COP1: variants seen among roughly 807,000 people sequenced by gnomAD.
COP1 encodes the protein E3 ubiquitin-protein ligase COP1.
Under a neutral mutation model 101.3 loss-of-function variants are expected in COP1, and 24 were observed. That is an observed-to-expected ratio of 0.24 (90% CI 0.17 to 0.33). The LOEUF (loss-of-function observed/expected upper bound fraction) is 0.33, where lower values mean the gene tolerates loss of function less well. COP1 is among the 10% of genes least tolerant of loss of function. The pLI is 1.00. For missense variants in COP1, 663 were observed against 906.2 expected (o/e 0.73, Z 3.45); for synonymous variants, 347 against 341.9 (o/e 1.01, Z -0.17).
intron 18 of COP1, among the ~76,000 whole-genome samples, chr1:175,971,614 A>C (rs551101271): frequency 6.6e-6 from 1 of 152,186 alleles, no homozygotes; most frequent in Non-Finnish European, 1.5e-5. Context: ...ACTCTCCAAT[A>C]CCTTGCCCTA....
intron 18 of COP1, among the ~76,000 whole-genome samples, chr1:175,950,497 T>G (rs967744749): frequency 1.3e-5 from 2 of 152,200 alleles, no homozygotes; most frequent in African/African-American, 4.8e-5. Context: ...TTAATGTAAG[T>G]TTTTAATGGT....
chr1:175,985,928 AT>A (rs935956104), intron 18 of COP1, among the ~76,000 whole-genome samples: 3 of 151,958 alleles, frequency 2.0e-5, no homozygotes, highest in African/African-American at 7.3e-5. Context: ...TCAAGTCAGA[AT>A]TTTTTTTGTC....
At chr1:176,077,536 G>C (rs1262550986) in intron 11 of COP1, among the ~76,000 whole-genome samples, 1 of 152,032 alleles carries the variant, frequency 6.6e-6, no homozygotes, top group African/African-American at 2.4e-5. Flanking sequence ...CAAACCCACA[G>C]CCAACTTAAT....
intron 8 of COP1, among the ~76,000 whole-genome samples, chr1:176,131,165 CAA>C (rs1688821803): frequency 1.3e-5 from 2 of 151,808 alleles, no homozygotes; most frequent in South Asian, 2.1e-4. Flanking sequence ...GAGGGTTATG[CAA>C]AGAGATGGAT....
chr1:176,026,177 C>T (rs535636415), intron 15 of COP1, among the ~76,000 whole-genome samples: 1 of 151,764 alleles, frequency 6.6e-6, no homozygotes, highest in South Asian at 2.1e-4. Context: ...TCCTATTTTC[C>T]AAGAAGGAGA....
intron 9 of COP1, among the ~76,000 whole-genome samples, chr1:176,090,083 A>G (rs1246336573): frequency 2.0e-5 from 3 of 152,124 alleles, no homozygotes; most frequent in Non-Finnish European, 4.4e-5. Flanking sequence ...ACAACCCCTT[A>G]TCTTAACCCA....
intron 8 of COP1, among the ~76,000 whole-genome samples, chr1:176,127,425 G>A (rs973548059): frequency 3.9e-5 from 6 of 151,948 alleles, no homozygotes; most frequent in Middle Eastern, 3.4e-3. Flanking sequence ...TTTAGATTCC[G>A]CATGTAAGCA....
At chr1:176,163,123 C>T (rs759493876) in intron 4 of COP1, 135 bp from the exon 5 acceptor site, 3 of 805,798 alleles carry the variant, frequency 3.7e-6, no homozygotes, top group Non-Finnish European at 5.4e-6. Flanking sequence ...TTCCAAACTA[C>T]CCCTTCCTAG....
At chr1:176,147,758 G>A (rs570350246) in intron 6 of COP1, among the ~76,000 whole-genome samples, 1 of 152,248 alleles carries the variant, frequency 6.6e-6, no homozygotes, top group South Asian at 2.1e-4. Context: ...GAGGCCATGG[G>A]CCACCACATC....
intron 18 of COP1, among the ~76,000 whole-genome samples, chr1:175,949,309 TG>T (rs1649589330): frequency 7.6e-6 from 1 of 130,962 alleles, no homozygotes. Flanking sequence ...GGGGCTGGGG[TG>T]AGGGGAAAGG....
chr1:176,198,598 T>A (rs1447659564), intron 1 of COP1, among the ~76,000 whole-genome samples: 1 of 152,054 alleles, frequency 6.6e-6, no homozygotes, highest in Admixed American at 6.5e-5. Context: ...AATTTGGACT[T>A]AAAACTGAAA....
At chr1:175,973,110 G>C (rs1653679267) in intron 18 of COP1, among the ~76,000 whole-genome samples, 1 of 152,182 alleles carries the variant, frequency 6.6e-6, no homozygotes, top group African/African-American at 2.4e-5. Flanking sequence ...GAGATTACAG[G>C]CGTGAACCAC....
At chr1:176,160,435 T>C (rs1159647976) in intron 5 of COP1, among the ~76,000 whole-genome samples, 3 of 151,850 alleles carry the variant, frequency 2.0e-5, no homozygotes, top group Non-Finnish European at 4.4e-5. Context: ...CTAATTAAAC[T>C]AAAGAGCTTC....
At chr1:176,047,905 C>T (rs1317333540) in intron 11 of COP1, among the ~76,000 whole-genome samples, 5 of 151,824 alleles carry the variant, frequency 3.3e-5, no homozygotes, top group Non-Finnish European at 5.9e-5. Flanking sequence ...GAGACCCGAT[C>T]GCTACAAAAA....
At chr1:175,993,702 T>TA (rs1400099611) in intron 15 of COP1, among the ~76,000 whole-genome samples, 2 of 151,928 alleles carry the variant, frequency 1.3e-5, no homozygotes, top group African/African-American at 4.8e-5. Flanking sequence ...GAAAAAAGAA[T>TA]AAAAAGAAAT....
chr1:176,029,234 T>C (rs1011974499), intron 14 of COP1, among the ~76,000 whole-genome samples: 2 of 151,622 alleles, frequency 1.3e-5, no homozygotes, highest in Non-Finnish European at 2.9e-5. Flanking sequence ...ATGTCTAAAG[T>C]AATATATTCT....
chr1:176,167,489 G>A (rs1012398101), intron 3 of COP1, among the ~76,000 whole-genome samples: 11 of 152,048 alleles, frequency 7.2e-5, no homozygotes, highest in African/African-American at 2.4e-4. Context: ...GACATGCCAC[G>A]TTTAGCTAAC....
intron 1 of COP1, among the ~76,000 whole-genome samples, chr1:176,204,496 T>C (rs187776845): frequency 3.4e-4 from 52 of 152,292 alleles, no homozygotes; most frequent in African/African-American, 1.2e-3. Context: ...GCCTAATCCA[T>C]ATCATCCTAC....
chr1:176,128,471 T>C (rs374040184), intron 8 of COP1, among the ~76,000 whole-genome samples: 2 of 152,038 alleles, frequency 1.3e-5, no homozygotes, highest in African/African-American at 4.8e-5. Context: ...TTCAACTCCT[T>C]GGCATGGTTT....
Sources: gnomAD v4.1 joint callset for allele counts (sites outside exome capture counted in the v4.1 genomes callset) on GRCh38, gnomAD v4.1.1 for gene constraint, MANE v1.5 for transcripts, NCBI Gene and HGNC (gene_info 2026-07-23, HGNC 2026-07-21) for gene names.